Variants in ZNF207 observed in about 807,000 individuals in gnomAD.
ZNF207 encodes BUB3-interacting and GLEBS motif-containing protein ZNF207.
A neutral mutation model predicts 60.2 loss-of-function variants in ZNF207; 24 were observed. The ratio of observed to expected loss-of-function variants is 0.40; its 90% CI spans 0.29 to 0.56. ZNF207 has a LOEUF of 0.56. Ranked by LOEUF, ZNF207 falls within the 20% of genes least tolerant of loss-of-function variation. ZNF207 has a pLI of 0.49. For synonymous variants in ZNF207, 236 were observed against 194.7 expected, an observed-to-expected ratio of 1.21 and a Z score of -1.77; for missense variants, 452 against 636.6, an observed-to-expected ratio of 0.71 and a Z score of 3.12.
In ZNF207 at chr17:32,367,885, A is replaced by G; in HGVS notation, c.1035A>G (p.Thr345=). The change falls in exon 10 of 12, where the codon ACA becomes ACG. Residue 345 remains threonine (T), a synonymous_variant. Coordinates refer to ENST00000394670, the MANE Select transcript of ZNF207 (RefSeq NM_001098507.2). ...CATTCCCTGCTTATACACAGTCTAC[A>G]GCTTCAACAACTAGTACAACAAATA... ...KPTFPAYTQS[T]ASTTSTTNST... is the part of the protein sequence containing the mutation. 1.9e-6 allele frequency: 3 copies of G among 1,614,202 alleles called. No individual in the cohort carries two copies. The highest frequency in any genetic ancestry group is 2.5e-6 in the Non-Finnish European group (3 of 1,180,036).
chr17:32,351,627 C>A (rs1303926665), intron 1 of ZNF207, 159 bp from the exon 2 acceptor site: 6 of 1,546,424 alleles, frequency 3.9e-6, no homozygotes, highest in African/African-American at 1.4e-5. Flanking sequence ...AATAACATGG[C>A]AAGTGTAGTC....
At position 32,360,717 on chromosome 17, in the gene ZNF207, G is replaced by T. The variant is rs764862430; in HGVS notation, c.427G>T (p.Ala143Ser). Residue 143 changes from alanine (A) to serine (S), a missense_variant, in exon 4 of 12, where the codon GCA (alanine) becomes TCA (serine). By Grantham distance (99) the Ala-to-Ser change is moderately conservative (BLOSUM62 1). Transcript: ENST00000394670. ...QPQQGYIPPM[A>S]QPGLPPVPGA... ...TCAGCAAGGTTATATTCCTCCAATG[G>T]CACAGCCAGGACTGCCACCAGTACC... 6.2e-7 allele frequency: 1 copy of T among 1,613,918 alleles called. No homozygotes were observed. Among genetic ancestry groups the T allele is most frequent in the African/African-American group, 1.3e-5 (1 of 74,908 alleles).
At position 32,373,410 on chromosome 17, in the gene ZNF207, G is replaced by A. The variant is rs1187372973; in HGVS notation, c.*3651G>A. The A allele has an allele frequency of 1.4e-6, 1 of 691,984 alleles. No individual in the cohort carries two copies. The highest frequency in any genetic ancestry group is 2.0e-5 in the Admixed American group (1 of 48,848). 42.9% of individuals were successfully genotyped at this position (691,984 alleles called of 1,614,324 possible). ...TCTTCTTCCTATAGCCCTGCCATAG[G>A]ACAGGCTGAGGCTGAGTCTCAGTGT... is the stretch of plus-strand genomic sequence containing the variant. On this transcript the variant is annotated 3_prime_UTR_variant, in exon 12 of 12. Transcript: ENST00000394670.
chr17:32,367,280 TATATAA>T (rs1567825119), intron 9 of ZNF207, among the ~76,000 whole-genome samples: 2 of 101,782 alleles, frequency 2.0e-5, no homozygotes, highest in African/African-American at 1.0e-4. Flanking sequence ...TATATATATA[TATATAA>T]AGAATACTAC....
At chr17:32,357,536 A>G (rs1233016826) in intron 2 of ZNF207, among the ~76,000 whole-genome samples, 2 of 151,092 alleles carry the variant, frequency 1.3e-5, no homozygotes, top group Non-Finnish European at 3.0e-5. Flanking sequence ...TTTAGTAGAG[A>G]TGGGGTTTCA....
intron 1 of ZNF207, chr17:32,351,381 A>G: frequency 9.4e-7 from 1 of 1,061,768 alleles, no homozygotes; most frequent in Non-Finnish European, 1.2e-6. Context: ...TAATCCAGTT[A>G]TTGCTATCGT....
intron 3 of ZNF207, among the ~76,000 whole-genome samples, chr17:32,359,419 A>G (rs1364528854): frequency 1.4e-5 from 2 of 147,668 alleles, no homozygotes; most frequent in Non-Finnish European, 3.0e-5. Context: ...CCTAGTTTTT[A>G]TATTTTTTAG....
intron 8 of ZNF207, among the ~76,000 whole-genome samples, chr17:32,366,211 G>A (rs1040114573): frequency 6.6e-6 from 1 of 151,814 alleles, no homozygotes; most frequent in Non-Finnish European, 1.5e-5. Flanking sequence ...CTGTTTGTGG[G>A]TGCTAAATTA....
In ZNF207 at chr17:32,370,550, T is replaced by G. The variant is rs1905421131; in HGVS notation, c.*791T>G. 6.6e-6 allele frequency: 1 copy of G among 152,256 alleles called. No homozygotes were observed. Among genetic ancestry groups the G allele is most frequent in the Non-Finnish European group, 1.5e-5 (1 of 68,036 alleles). 9.4% of individuals were successfully genotyped at this position (152,256 alleles called of 1,614,324 possible). A position where few individuals can be genotyped will look rare whatever the true frequency, so the allele number is the denominator to read the frequency against. On this transcript the variant is annotated 3_prime_UTR_variant, in exon 12 of 12. Transcript: ENST00000394670. ...TAGAGTTGTATGTTAATGTTTCAGTTAAGAGAAAAACTTAAGATACATGAG... is the reference window on the plus strand; with the variant it reads ...TAGAGTTGTATGTTAATGTTTCAGTGAAGAGAAAAACTTAAGATACATGAG...
intron 5 of ZNF207, 154 bp from the exon 6 acceptor site, chr17:32,361,310 GATTT>G (rs1377587660): frequency 1.0e-4 from 62 of 595,518 alleles, no homozygotes; most frequent in Admixed American, 6.6e-4. Context: ...CTCTGTAAAT[GATTT>G]ATTTGTCAAA....
chr17:32,352,117 G>A (rs1251906028), intron 2 of ZNF207, among the ~76,000 whole-genome samples: 1 of 152,078 alleles, frequency 6.6e-6, no homozygotes, highest in Non-Finnish European at 1.5e-5. Context: ...ACAGGCAGCC[G>A]CCACCATGCC....
chr17:32,357,163 C>G (rs978651834), intron 2 of ZNF207, among the ~76,000 whole-genome samples: 1 of 145,900 alleles, frequency 6.9e-6, no homozygotes, highest in African/African-American at 2.5e-5. Flanking sequence ...GCTTGGGTGG[C>G]AGAGTGAGAC....
chr17:32,353,448 C>A (rs138279634), intron 2 of ZNF207, among the ~76,000 whole-genome samples: 1 of 152,014 alleles, frequency 6.6e-6, no homozygotes, highest in Non-Finnish European at 1.5e-5. Context: ...TTATATAGAT[C>A]CTTTTCACTC....
intron 3 of ZNF207, 136 bp from the exon 4 acceptor site, chr17:32,360,462 G>GC (rs1904806366): frequency 2.7e-6 from 2 of 754,136 alleles, no homozygotes; most frequent in Non-Finnish European, 4.2e-6. Context: ...AGAACATAGA[G>GC]CAGTATTAAT....
rs748840325 is a variant in ZNF207 at position 32,378,782 on chromosome 17, G to A, written c.*9023G>A. On this transcript the variant is annotated 3_prime_UTR_variant, in exon 12 of 12. Transcript: ENST00000394670. ...TAACCTCTAAATGTTGTGCTTTTAG[G>A]TTGATAACAAATGTAAAGCACTGAG... is the stretch of plus-strand genomic sequence containing the variant. 14 of 151,900 alleles carry A rather than the reference G, an allele frequency of 9.2e-5. No individual in the cohort carries two copies. Among genetic ancestry groups the A allele is most frequent in the Non-Finnish European group, 1.5e-4 (10 of 67,884 alleles). 9.4% of individuals were successfully genotyped at this position (151,900 alleles called of 1,614,324 possible). A position where few individuals can be genotyped will look rare whatever the true frequency, so the allele number is the denominator to read the frequency against.
At position 32,362,948 on chromosome 17, in the gene ZNF207, C is replaced by G. The variant is rs1335499733; in HGVS notation, c.634C>G (p.Pro212Ala). Residue 212 changes from proline to alanine, a missense_variant, in exon 7 of 12, where the codon CCA (proline) becomes GCA (alanine). Transcript: ENST00000394670. ...MPMGGMMPPG[P>A]GIPPLMPGMP... ...AATGGGTGGAATGATGCCACCTGGA[C>G]CAGGAATACCACCTCTGATGCCTGG... 1 of 1,613,040 alleles carries G rather than the reference C, an allele frequency of 6.2e-7. No homozygotes were observed. The highest frequency in any genetic ancestry group is 1.3e-5 in the African/African-American group (1 of 74,788).
At position 32,378,393 on chromosome 17, in the gene ZNF207, C is replaced by A. The variant is rs751360800; in HGVS notation, c.*8634C>A. The A allele has an allele frequency of 1.3e-5, 2 of 152,004 alleles. No homozygotes were observed. Among genetic ancestry groups the A allele is most frequent in the Admixed American group, 6.5e-5 (1 of 15,268 alleles). 9.4% of individuals were successfully genotyped at this position (152,004 alleles called of 1,614,324 possible). On this transcript the variant is annotated 3_prime_UTR_variant, in exon 12 of 12. Coordinates refer to ENST00000394670, the MANE Select transcript of ZNF207 (RefSeq NM_001098507.2). ...CAACCTAAGAAAAAAGGCAAGTTTC[C>A]TCACATCTAGAAATGATAAATGGTG...
chr17:32,356,046 C>G (rs2150789641), intron 2 of ZNF207, among the ~76,000 whole-genome samples: 1 of 152,280 alleles, frequency 6.6e-6, no homozygotes, highest in East Asian at 1.9e-4. Flanking sequence ...GTCTGAGTGC[C>G]TTTATTTAGT....
rs1301659746 is a variant in ZNF207 at position 32,371,244 on chromosome 17, A to G, written c.*1485A>G. 6.6e-6 allele frequency: 1 copy of G among 152,248 alleles called. No homozygotes were observed. The highest frequency in any genetic ancestry group is 1.5e-5 in the Non-Finnish European group (1 of 68,036). 9.4% of individuals were successfully genotyped at this position (152,248 alleles called of 1,614,324 possible). On this transcript the variant is annotated 3_prime_UTR_variant, in exon 12 of 12. Coordinates refer to ENST00000394670, the MANE Select transcript of ZNF207 (RefSeq NM_001098507.2). ...TTCTCATTATAAAGTTAAGACTTCT[A>G]AGAAAATGGTAACATTTCTTTATAA...
Sources: allele counts gnomAD v4.1 joint callset (sites outside exome capture counted in the v4.1 genomes callset), GRCh38; gene constraint gnomAD v4.1.1; transcripts MANE v1.5; gene names NCBI Gene and HGNC (gene_info 2026-07-23, HGNC 2026-07-21).